PRR32: variants seen among roughly 807,000 people sequenced by gnomAD.
PRR32 encodes proline rich 32, also known as proline-rich protein 32.
A neutral mutation model predicts 1.3 loss-of-function variants in PRR32; 2 were observed. The observed-to-expected ratio is 1.49, with a 90% confidence interval of 0.61 to 4.68. The LOEUF (loss-of-function observed/expected upper bound fraction) is 4.68. Ranked by LOEUF, PRR32 falls within the 30% of genes most tolerant of loss-of-function variation. The probability of loss-of-function intolerance (pLI) is 0.06; values close to 1 mark genes in which losing one functional copy is unlikely to be tolerated. For missense variants in PRR32, 241 were observed against 232.5 expected (o/e 1.04, Z -0.24); for synonymous variants, 107 against 88.7 (o/e 1.21, Z -1.16).
Position 126,820,699 on chromosome X carries a change from G to A in PRR32, c.61G>A (p.Asp21Asn). ...CCCTTCACCCTTGGTAGTATCTGTG[G>A]ACAAAAATGGGAACCAGGAGCTGCA... ...HAPSPLVVSV[D>N]KNGNQELHHD... The change falls in exon 2 of 2, where the codon GAC becomes AAC. Residue 21 changes from aspartate (D) to asparagine (N), a missense_variant. Asp to Asn is a conservative substitution (Grantham distance 23, BLOSUM62 1). Transcript: ENST00000371125. 8.6e-7 allele frequency: 1 copy of A among 1,167,884 alleles called. No individual in the cohort carries two copies.
rs1369059551 is a variant in PRR32 at position 126,820,751 on chromosome X, G to T, written c.113G>T (p.Ser38Ile). Residue 38 changes from serine (S) to isoleucine (I), a missense_variant, in exon 2 of 2, where the codon AGT (serine) becomes ATT (isoleucine). By Grantham distance (142) the Ser-to-Ile change is moderately radical. Transcript: ENST00000371125. Reference protein sequence around the residue: ...LHHDMPLQCLSSKPEDDAEPW... With the variant: ...LHHDMPLQCLISKPEDDAEPW... Reference sequence around the variant, plus strand: ...CACGACATGCCCCTGCAATGTCTGAGTTCCAAGCCAGAGGATGACGCAGAG... The same window carrying T: ...CACGACATGCCCCTGCAATGTCTGATTTCCAAGCCAGAGGATGACGCAGAG... The T allele has an allele frequency of 1.7e-6, 2 of 1,166,380 alleles. No individual in the cohort carries two copies. Among genetic ancestry groups the T allele is most frequent in the African/African-American group, 3.6e-5 (2 of 55,744 alleles).
At chrX:126,820,022 C>T (rs879210586) in intron 1 of PRR32, among the ~76,000 whole-genome samples, 159 bp downstream of exon 1, 1 of 110,447 alleles carries the variant, frequency 9.1e-6, no homozygotes, top group South Asian at 3.9e-4. Context: ...CTAAGAATAC[C>T]GGATTTAAGA....
rs962305572 is a variant in PRR32 at position 126,821,040 on chromosome X, C to T, written c.402C>T (p.Gly134=). 4.5e-5 allele frequency: 52 copies of T among 1,162,697 alleles called. No individual in the cohort carries two copies. The highest frequency in any genetic ancestry group is 6.5e-5 in the East Asian group (2 of 30,639). ...TTAATGTGTCCTGGGAAGTCTCTGG[C>T]GGCCCTCCTGCACTGATAGTAGGGG... The part of the protein sequence containing the change: ...DAINVSWEVS[G]GPPALIVGGT... Residue 134 remains glycine, a synonymous_variant, in exon 2 of 2, where the codon GGC becomes GGT. Transcript: ENST00000371125.
chrX:126,819,882 A>G lies in PRR32; in HGVS notation c.20+19A>G. ...AAAACGTGTAAGTACAAAACCGAGT[A>G]CAACTGTTTAATTTTGAAGGCAAAG... On this transcript the variant is annotated intron_variant, in intron 1 of 1. Transcript: ENST00000371125. 8.6e-7 allele frequency: 1 copy of G among 1,159,849 alleles called. No individual in the cohort carries two copies. The highest frequency in any genetic ancestry group is 1.9e-5 in the South Asian group (1 of 51,764).
At chrX:126,820,442 A>T (rs1602656008) in intron 1 of PRR32, among the ~76,000 whole-genome samples, 1 of 111,541 alleles carries the variant, frequency 9.0e-6, no homozygotes, top group East Asian at 2.9e-4. Context: ...GAAATAGGCC[A>T]CTGAGTAGTC....
chrX:126,820,376 T>C (rs1343164486), intron 1 of PRR32, among the ~76,000 whole-genome samples: 1 of 111,822 alleles, frequency 8.9e-6, no homozygotes, highest in African/African-American at 3.3e-5. Context: ...TACTATTAAG[T>C]TATGTGCATC....
At chrX:126,820,098 A>G (rs934618675) in intron 1 of PRR32, among the ~76,000 whole-genome samples, 4 of 112,009 alleles carry the variant, frequency 3.6e-5, no homozygotes, top group African/African-American at 9.7e-5. Context: ...AGTGGGGTTT[A>G]AACATGAGGA....
chrX:126,820,987 G>C lies in PRR32; in HGVS notation c.349G>C (p.Gly117Arg). The C allele has an allele frequency of 8.6e-7, 1 of 1,164,945 alleles. No individual in the cohort carries two copies. Among genetic ancestry groups the C allele is most frequent in the Non-Finnish European group, 1.1e-6 (1 of 871,432 alleles). Reference sequence around the variant, plus strand: ...AGTAAACAGCTCTGATGCACTGGCAGGCTGGAGGCAGGAGGGACAGGATGC... The same window carrying C: ...AGTAAACAGCTCTGATGCACTGGCACGCTGGAGGCAGGAGGGACAGGATGC... ...AEVNSSDALA[G>R]WRQEGQDAIN... The change falls in exon 2 of 2, where the codon GGC (glycine) becomes CGC (arginine). Residue 117 changes from glycine to arginine, a missense_variant. Gly to Arg is a moderately radical substitution (Grantham distance 125, BLOSUM62 -2). Transcript: ENST00000371125.
rs750803055 is a variant in PRR32, at chrX:126,821,443, C to T, written c.805C>T (p.Pro269Ser). 8.6e-7 allele frequency: 1 copy of T among 1,166,743 alleles called. No individual in the cohort carries two copies. The highest frequency in any genetic ancestry group is 1.8e-5 in the African/African-American group (1 of 55,875). ...TATGCCTCTTCCTTTTGCTCCTCCT[C>T]CGATATTTGGTCCTCCACTGCCTTC... ...LTMPLPFAPP[P>S]IFGPPLPSYF... The change falls in exon 2 of 2, where the codon CCG becomes TCG. Residue 269 changes from proline to serine, a missense_variant. By Grantham distance (74) the Pro-to-Ser change is moderately conservative (BLOSUM62 -1). Coordinates refer to ENST00000371125, the MANE Select transcript of PRR32 (RefSeq NM_001122716.2).
rs878937844 is a variant in PRR32 at position 126,819,977 on chromosome X, T to C, written c.20+114T>C. 1.4e-5 allele frequency: 10 copies of C among 715,360 alleles called. No homozygotes were observed. The South Asian group carries it at 2.1e-4, about 15-fold the overall frequency. The allele number at this position is 715,360 out of a possible 1,213,427, so 59.0% of individuals were successfully genotyped here. A position where few individuals can be genotyped will look rare whatever the true frequency, so the allele number is the denominator to read the frequency against. On this transcript the variant is annotated intron_variant, in intron 1 of 1. Coordinates refer to ENST00000371125, the MANE Select transcript of PRR32 (RefSeq NM_001122716.2). ...GGTTGGAGGAGATGTGGGAGGAAAT[T>C]ACAGACAAAAACTTGAAGGACATAA...
rs375664901 is a variant in PRR32, at chrX:126,821,230, G to A, written c.592G>A (p.Gly198Arg). 2.1e-4 allele frequency: 250 copies of A among 1,166,160 alleles called. No homozygotes were observed. The highest frequency in any genetic ancestry group is 2.7e-4 in the Non-Finnish European group (236 of 872,724). ...AGGGATAGTAATGGAGGTGCCGCCC[G>A]GAAATACACGAATAGCCTGCAGAGG... ...RSGIVMEVPP[G>R]NTRIACRGKL... is the part of the protein sequence containing the mutation. Residue 198 changes from glycine to arginine, a missense_variant, in exon 2 of 2, where the codon GGA (glycine) becomes AGA (arginine). Physicochemically the swap from Gly to Arg is moderately radical, Grantham distance 125. Transcript: ENST00000371125.
rs1351458735 is a variant in PRR32 at position 126,821,174 on chromosome X, G to A, written c.536G>A (p.Arg179Lys). 4.3e-6 allele frequency: 5 copies of A among 1,166,022 alleles called. No homozygotes were observed. The African/African-American group carries it at 5.4e-5, about 13-fold the overall frequency. Residue 179 changes from arginine (R) to lysine (K), a missense_variant, in exon 2 of 2, where the codon AGA becomes AAA. Coordinates refer to ENST00000371125, the MANE Select transcript of PRR32 (RefSeq NM_001122716.2). Reference sequence around the variant, plus strand: ...TTTCCACCCAGGGGCCCACAAGTGAGAGGCCCTTCACATATTCCCACCCTT... The same window carrying A: ...TTTCCACCCAGGGGCCCACAAGTGAAAGGCCCTTCACATATTCCCACCCTT... ...GFFPPRGPQV[R>K]GPSHIPTLRS...
Position 126,820,916 on chromosome X carries a change from A to G in PRR32, c.278A>G (p.Tyr93Cys), listed in dbSNP as rs535190195. Residue 93 changes from tyrosine (Y) to cysteine (C), a missense_variant, in exon 2 of 2, where the codon TAC (tyrosine) becomes TGC (cysteine). Transcript: ENST00000371125. ...LHSLRAHRHP[Y>C]GPPPAVAEES... is the part of the protein sequence containing the mutation. ...AGCTTGAGAGCTCATAGACACCCCT[A>G]CGGGCCACCACCTGCTGTTGCAGAA... The G allele has an allele frequency of 8.6e-7, 1 of 1,165,710 alleles. No homozygotes were observed. The highest frequency in any genetic ancestry group is 3.3e-5 in the East Asian group (1 of 30,621).
Position 126,821,755 on chromosome X carries a change from T to C in PRR32, c.*220T>C. On this transcript the variant is annotated 3_prime_UTR_variant, in exon 2 of 2. Transcript: ENST00000371125. ...TTTAGCACAAATGTGCCCTACATACTGGAGATTAAATAAAGATTGTGAAGT... is the reference window on the plus strand; with the variant it reads ...TTTAGCACAAATGTGCCCTACATACCGGAGATTAAATAAAGATTGTGAAGT... 5.1e-6 allele frequency: 2 copies of C among 389,983 alleles called. No homozygotes were observed. Among genetic ancestry groups the C allele is most frequent in the Non-Finnish European group, 8.6e-6 (2 of 232,799 alleles). The allele number at this position is 389,983 out of a possible 1,213,427, so 32.1% of individuals were successfully genotyped here. A position where few individuals can be genotyped will look rare whatever the true frequency, so the allele number is the denominator to read the frequency against.
chrX:126,820,579 T>C, intron 1 of PRR32, 80 bp from the exon 2 acceptor site: 1 of 1,063,440 alleles, frequency 9.4e-7, no homozygotes, highest in Non-Finnish European at 1.2e-6. Flanking sequence ...TTCAGTGAGC[T>C]CAGTCAATTA....
Position 126,821,605 on chromosome X carries a change from T to C in PRR32, c.*70T>C. 9.0e-7 allele frequency: 1 copy of C among 1,107,791 alleles called. No individual in the cohort carries two copies. Among genetic ancestry groups the C allele is most frequent in the Non-Finnish European group, 1.2e-6 (1 of 840,296 alleles). 91.3% of individuals were successfully genotyped at this position (1,107,791 alleles called of 1,213,427 possible). A position where few individuals can be genotyped will look rare whatever the true frequency, so the allele number is the denominator to read the frequency against. On this transcript the variant is annotated 3_prime_UTR_variant, in exon 2 of 2. Coordinates refer to ENST00000371125, the MANE Select transcript of PRR32 (RefSeq NM_001122716.2). Reference sequence around the variant, plus strand: ...AGTTATTCATTTATGCTTTTATATTTGAAACCTTGTACCCTCCCACACTCT... The same window carrying C: ...AGTTATTCATTTATGCTTTTATATTCGAAACCTTGTACCCTCCCACACTCT...
Position 126,819,840 on chromosome X carries a change from C to T in PRR32, c.-4C>T, listed in dbSNP as rs1975207909. On this transcript the variant is annotated 5_prime_UTR_variant, in exon 1 of 2. Coordinates refer to ENST00000371125, the MANE Select transcript of PRR32 (RefSeq NM_001122716.2). ...CAGGAAAGCTATTCTGATCAAATTT[C>T]TTCATGGCTTGTATTGAAAACGTGT... is the stretch of plus-strand genomic sequence containing the variant. 8.6e-7 allele frequency: 1 copy of T among 1,163,464 alleles called. No individual in the cohort carries two copies. Among genetic ancestry groups the T allele is most frequent in the Admixed American group, 2.6e-5 (1 of 38,156 alleles).
chrX:126,820,599 G>A (rs765232047), intron 1 of PRR32, 60 bp from the exon 2 acceptor site: 1 of 1,100,818 alleles, frequency 9.1e-7, no homozygotes, highest in Admixed American at 3.0e-5. Context: ...ACATATTGTA[G>A]CTATTTTCTG....
At position 126,819,755 on chromosome X, in the gene PRR32, G is replaced by A; in HGVS notation, c.-89G>A. On this transcript the variant is annotated 5_prime_UTR_variant, in exon 1 of 2. Coordinates refer to ENST00000371125, the MANE Select transcript of PRR32 (RefSeq NM_001122716.2). ...TTCTAGTTGCCAAGCCTCTAAAGCA[G>A]AAGCAGGAGTCATTTCTCCAGACCT... 1.1e-6 allele frequency: 1 copy of A among 871,714 alleles called. No individual in the cohort carries two copies. Among genetic ancestry groups the A allele is most frequent in the South Asian group, 2.8e-5 (1 of 35,777 alleles). 71.8% of individuals were successfully genotyped at this position (871,714 alleles called of 1,213,427 possible). A position where few individuals can be genotyped will look rare whatever the true frequency, so the allele number is the denominator to read the frequency against.
Sources: gnomAD v4.1 joint callset for allele counts (sites outside exome capture counted in the v4.1 genomes callset) on GRCh38, gnomAD v4.1.1 for gene constraint, MANE v1.5 for transcripts, NCBI Gene and HGNC (gene_info 2026-07-23, HGNC 2026-07-21) for gene names.